CTNNA3: variants seen among roughly 807,000 people sequenced by gnomAD.
CTNNA3 encodes the protein catenin alpha 3, also known as catenin alpha-3.
A neutral mutation model predicts 95.7 loss-of-function variants in CTNNA3; 76 were observed. The ratio of observed to expected loss-of-function variants is 0.79; its 90% CI spans 0.66 to 0.96. The LOEUF is 0.96. CTNNA3 is among the 40% of genes least tolerant of loss of function. CTNNA3 has a pLI of 0.00. For missense variants in CTNNA3, 1,191 were observed against 1,089.8 expected (o/e 1.09, Z -1.31); for synonymous variants, 431 against 374.4 (o/e 1.15, Z -1.74).
At chr10:67,158,201 T>C (rs1024364113) in intron 7 of CTNNA3, among the ~76,000 whole-genome samples, 11 of 152,116 alleles carry the variant, frequency 7.2e-5, no homozygotes, top group Non-Finnish European at 1.5e-4. Flanking sequence ...CTGGCTTCCC[T>C]GTCTATGCTT....
intron 5 of CTNNA3, among the ~76,000 whole-genome samples, chr10:67,308,384 T>G (rs1241958599): frequency 1.3e-5 from 2 of 152,170 alleles, no homozygotes; most frequent in African/African-American, 4.8e-5. Context: ...TAAAGGGCAG[T>G]TTCCCTGCAC....
chr10:66,650,010 G>A (rs934390114), intron 9 of CTNNA3, among the ~76,000 whole-genome samples: 1 of 152,140 alleles, frequency 6.6e-6, no homozygotes, highest in Non-Finnish European at 1.5e-5. Flanking sequence ...AATAGCAGGG[G>A]ACTCAAATAT....
At chr10:67,410,252 G>A (rs919168226) in intron 5 of CTNNA3, among the ~76,000 whole-genome samples, 1 of 152,074 alleles carries the variant, frequency 6.6e-6, no homozygotes, top group South Asian at 2.1e-4. Flanking sequence ...AACCAACACA[G>A]GAACTGAAAA....
At chr10:66,822,073 T>C (rs1353378609) in intron 7 of CTNNA3, among the ~76,000 whole-genome samples, 5 of 148,840 alleles carry the variant, frequency 3.4e-5, no homozygotes, top group Admixed American at 6.8e-5. Context: ...AATTATGTTA[T>C]ATAAAATTAC....
chr10:66,212,279 T>C (rs1276339308), intron 13 of CTNNA3, among the ~76,000 whole-genome samples: 1 of 152,032 alleles, frequency 6.6e-6, no homozygotes, highest in Non-Finnish European at 1.5e-5. Flanking sequence ...CTTGAGCCAA[T>C]GCGCCCAGCC....
At chr10:66,628,283 T>C (rs1185569653) in intron 9 of CTNNA3, among the ~76,000 whole-genome samples, 6 of 152,134 alleles carry the variant, frequency 3.9e-5, no homozygotes, top group Non-Finnish European at 8.8e-5. Flanking sequence ...TAAAGTCCTG[T>C]GTACAACTTA....
intron 5 of CTNNA3, among the ~76,000 whole-genome samples, chr10:67,390,167 C>CT (rs1369160149): frequency 1.3e-5 from 2 of 152,102 alleles, no homozygotes; most frequent in Admixed American, 1.3e-4. Flanking sequence ...ACTAGCATGA[C>CT]TAATAAAGAA....
chr10:66,276,419 CTT>C (rs1564834062), intron 13 of CTNNA3, among the ~76,000 whole-genome samples: 1 of 152,030 alleles, frequency 6.6e-6, no homozygotes, highest in South Asian at 2.1e-4. Flanking sequence ...ATTATGTACT[CTT>C]TTAAAATTTC....
chr10:66,387,301 T>C (rs1194469324), intron 11 of CTNNA3, among the ~76,000 whole-genome samples: 1 of 152,044 alleles, frequency 6.6e-6, no homozygotes, highest in East Asian at 1.9e-4. Flanking sequence ...AACAGACACT[T>C]CTCAAAAGAA....
chr10:67,059,214 G>C (rs1337064868), intron 7 of CTNNA3, among the ~76,000 whole-genome samples: 1 of 152,104 alleles, frequency 6.6e-6, no homozygotes, highest in Admixed American at 6.6e-5. Flanking sequence ...CACATTATAA[G>C]ATTAATGAGC....
chr10:66,254,784 A>G (rs10997014), intron 13 of CTNNA3, among the ~76,000 whole-genome samples: 9,684 of 151,960 alleles, frequency 0.064, 895 homozygotes, highest in African/African-American at 0.2. Flanking sequence ...GGCTGAGGCC[A>G]CTCTTCAGTG....
At chr10:66,775,848 A>C in intron 7 of CTNNA3, among the ~76,000 whole-genome samples, 1 of 152,202 alleles carries the variant, frequency 6.6e-6, no homozygotes, top group Non-Finnish European at 1.5e-5. Flanking sequence ...TAAGCAGGCA[A>C]TTAGCTTAAA....
intron 7 of CTNNA3, among the ~76,000 whole-genome samples, chr10:66,898,942 G>T (rs1008210859): frequency 4.6e-5 from 7 of 152,228 alleles, no homozygotes; most frequent in Non-Finnish European, 7.4e-5. Flanking sequence ...TGGAATGAGA[G>T]AAAATATTTA....
chr10:66,152,393 C>G lies in CTNNA3; in HGVS notation c.1885-49144G>C, dbSNP rs573575316. Among the ~76,000 whole-genome samples, 3 of 151,670 alleles carry G rather than the reference C, an allele frequency of 2.0e-5. No individual in the cohort carries two copies. The South Asian group carries it at 6.2e-4, about 32-fold the overall frequency. ...CAACTCATTAGCTAAATTATATTTC[C>G]AAAACAGGAAGCACAGATATACATA... On this transcript the variant is annotated intron_variant, in intron 13 of 17. Coordinates refer to ENST00000433211, the MANE Select transcript of CTNNA3 (RefSeq NM_013266.4).
chr10:66,110,682 T>C (rs2082089491), intron 13 of CTNNA3, among the ~76,000 whole-genome samples: 1 of 152,352 alleles, frequency 6.6e-6, no homozygotes, highest in Non-Finnish European at 1.5e-5. Flanking sequence ...CCAGTGCTAA[T>C]CTAAGTTTGC....
chr10:66,831,370 G>A (rs1477586036), intron 7 of CTNNA3, among the ~76,000 whole-genome samples: 1 of 152,042 alleles, frequency 6.6e-6, no homozygotes, highest in Non-Finnish European at 1.5e-5. Context: ...TTTCTTAATT[G>A]TGCTATGCTT....
At chr10:65,969,645 A>G (rs1265012733) in intron 16 of CTNNA3, among the ~76,000 whole-genome samples, 1 of 152,206 alleles carries the variant, frequency 6.6e-6, no homozygotes, top group Non-Finnish European at 1.5e-5. Context: ...CTTCACCAAT[A>G]AACTGGACTA....
At chr10:66,322,900 G>A (rs1027047260) in intron 12 of CTNNA3, among the ~76,000 whole-genome samples, 1 of 151,746 alleles carries the variant, frequency 6.6e-6, no homozygotes, top group Non-Finnish European at 1.5e-5. Flanking sequence ...CTCTCTCAAG[G>A]ACCTAGAACC....
chr10:66,109,151 G>C (rs1228096963), intron 13 of CTNNA3, among the ~76,000 whole-genome samples: 1 of 152,126 alleles, frequency 6.6e-6, no homozygotes, highest in Non-Finnish European at 1.5e-5. Context: ...CCATAGCCCC[G>C]TGCCACAAAC....
Sources: gnomAD v4.1 joint callset for allele counts (sites outside exome capture counted in the v4.1 genomes callset) on GRCh38, gnomAD v4.1.1 for gene constraint, MANE v1.5 for transcripts, NCBI Gene and HGNC (gene_info 2026-07-23, HGNC 2026-07-21) for gene names.